Variants in EYA2 observed in about 807,000 individuals in gnomAD.
EYA2 encodes EYA transcriptional coactivator and phosphatase 2.
Under a neutral mutation model 69.2 loss-of-function variants are expected in EYA2, and 31 were observed. The ratio of observed to expected loss-of-function variants is 0.45; its 90% CI spans 0.34 to 0.60. The LOEUF (loss-of-function observed/expected upper bound fraction) is 0.60, where lower values mean the gene tolerates loss of function less well. Ranked by LOEUF, EYA2 falls within the 20% of genes least tolerant of loss-of-function variation. The probability of loss-of-function intolerance (pLI) is 0.02; values close to 1 mark genes in which losing one functional copy is unlikely to be tolerated. For synonymous variants in EYA2, 257 were observed against 279.4 expected (o/e 0.92, Z 0.80); for missense variants, 622 against 701.2 (o/e 0.89, Z 1.28).
chr20:47,143,162 G>C lies in EYA2; in HGVS notation c.978+14G>C. 1 of 1,603,862 alleles carries C rather than the reference G, an allele frequency of 6.2e-7. No individual in the cohort carries two copies. The highest frequency in any genetic ancestry group is 8.5e-7 in the Non-Finnish European group (1 of 1,174,008). ...AATGACCTGGAGGTTTGTGGTTGCT[G>C]ATTTCATTTAATATTTGCCATGTTT... On this transcript the variant is annotated intron_variant, in intron 10 of 15. Transcript: ENST00000327619.
intron 4 of EYA2, among the ~76,000 whole-genome samples, chr20:47,010,711 AATAT>A (rs1983007227): frequency 2.0e-5 from 3 of 150,120 alleles, no homozygotes; most frequent in Admixed American, 2.0e-4. Context: ...ATATAAATAT[AATAT>A]ATATAAAATA....
At position 46,895,521 on chromosome 20, in the gene EYA2, C is replaced by T. The variant is rs114470189; in HGVS notation, c.-11+534C>T. 4.7e-3 allele frequency among the ~76,000 whole-genome samples: 717 copies of T among 152,286 alleles called. 3 individuals are homozygous for T. The highest frequency in any genetic ancestry group is 0.017 in the African/African-American group (687 of 41,554). On this transcript the variant is annotated intron_variant, in intron 1 of 15. Coordinates refer to ENST00000327619, the MANE Select transcript of EYA2 (RefSeq NM_005244.5). ...ATATTTCTTTTCAAAAGTCCGTTTG[C>T]GCTCGGCCCGCTCTGGTTCAGGTCT...
At chr20:47,186,348 CTTTTTTTT>C (rs765874138) in intron 15 of EYA2, among the ~76,000 whole-genome samples, 5,828 of 72,014 alleles carry the variant, frequency 0.081, 305 homozygotes, top group African/African-American at 0.25. Flanking sequence ...AGCACTTATT[CTTTTTTTT>C]TTTTTTTTTT....
At chr20:46,985,757 A>G (rs1981141616) in intron 1 of EYA2, among the ~76,000 whole-genome samples, 1 of 152,202 alleles carries the variant, frequency 6.6e-6, no homozygotes, top group Admixed American at 6.5e-5. Context: ...TGCAAGAATA[A>G]GGCAATACTC....
rs540543065 is a variant in EYA2, at chr20:47,107,511, G to A, written c.888+10343G>A. ...ACTGTACTCCAGCCTAGACAACAGA[G>A]TGAGACTCTGTATCAAAAAAAAAAA... On this transcript the variant is annotated intron_variant, in intron 9 of 15. Transcript: ENST00000327619. 1.4e-3 allele frequency among the ~76,000 whole-genome samples: 181 copies of A among 125,782 alleles called. 1 individual carries two copies. Among genetic ancestry groups the A allele is most frequent in the African/African-American group, 5.4e-3 (177 of 32,732 alleles). The allele number at this position is 125,782 out of a possible 152,430, so 82.5% of individuals were successfully genotyped here.
intron 5 of EYA2, among the ~76,000 whole-genome samples, chr20:47,048,842 C>G (rs1159736873): frequency 6.6e-6 from 1 of 152,210 alleles, no homozygotes; most frequent in East Asian, 1.9e-4. Flanking sequence ...ATCTGTGTCC[C>G]CTGCTTCACT....
At chr20:47,180,031 T>C (rs1055322301) in intron 13 of EYA2, 119 bp downstream of exon 13, 3 of 692,200 alleles carry the variant, frequency 4.3e-6, no homozygotes, top group Non-Finnish European at 7.2e-6. Context: ...TTGTACACTT[T>C]CCAAATATTT....
At chr20:47,015,089 G>C (rs1983327920) in intron 4 of EYA2, among the ~76,000 whole-genome samples, 1 of 152,192 alleles carries the variant, frequency 6.6e-6, no homozygotes, top group South Asian at 2.1e-4. Flanking sequence ...ATATACATAA[G>C]TTTGCATATG....
chr20:47,172,982 C>A (rs1050111658), intron 12 of EYA2, 115 bp downstream of exon 12: 75 of 1,146,064 alleles, frequency 6.5e-5, no homozygotes, highest in Non-Finnish European at 8.8e-5. Flanking sequence ...CAGTACCAGC[C>A]CACTTAATGC....
chr20:47,086,030 A>G lies in EYA2; in HGVS notation c.662-3209A>G, dbSNP rs182719917. 9.8e-4 allele frequency among the ~76,000 whole-genome samples: 150 copies of G among 152,372 alleles called. 1 individual carries two copies. Among genetic ancestry groups the G allele is most frequent in the East Asian group, 5.2e-3 (27 of 5,188 alleles). Reference sequence around the variant, plus strand: ...AGTAATGCGTTAAATAAGTAAACACATTAAAAGAGAGAAAGAAAAAGAATG... The same window carrying G: ...AGTAATGCGTTAAATAAGTAAACACGTTAAAAGAGAGAAAGAAAAAGAATG... On this transcript the variant is annotated intron_variant, in intron 7 of 15. Transcript: ENST00000327619.
At chr20:47,154,818 T>TG (rs1232237650) in intron 10 of EYA2, among the ~76,000 whole-genome samples, 153 of 117,318 alleles carry the variant, frequency 1.3e-3, no homozygotes, top group African/African-American at 4.1e-3. Flanking sequence ...TTTATTTTGT[T>TG]TTGTGTGTGT....
At chr20:47,000,039 G>C (rs866088102) in intron 2 of EYA2, among the ~76,000 whole-genome samples, 2 of 151,846 alleles carry the variant, frequency 1.3e-5, no homozygotes, top group South Asian at 4.2e-4. Context: ...TCTGGAGCCA[G>C]ACCACCTGGG....
At chr20:46,939,383 C>T (rs1986058960) in intron 1 of EYA2, among the ~76,000 whole-genome samples, 1 of 152,000 alleles carries the variant, frequency 6.6e-6, no homozygotes, top group African/African-American at 2.4e-5. Flanking sequence ...AGAAAGCAAA[C>T]CTGAGTGATA....
At chr20:47,088,629 C>T (rs2031973989) in intron 7 of EYA2, among the ~76,000 whole-genome samples, 1 of 152,118 alleles carries the variant, frequency 6.6e-6, no homozygotes, top group African/African-American at 2.4e-5. Context: ...GCTCTGTTAT[C>T]CAGGTTGGAG....
chr20:47,134,051 G>A (rs2033402286), intron 9 of EYA2, among the ~76,000 whole-genome samples: 2 of 152,238 alleles, frequency 1.3e-5, no homozygotes, highest in Non-Finnish European at 2.9e-5. Context: ...GGAATGTGCA[G>A]GGTTTGAGCA....
intron 10 of EYA2, among the ~76,000 whole-genome samples, chr20:47,151,356 G>A (rs1000336638): frequency 6.6e-6 from 1 of 151,470 alleles, no homozygotes; most frequent in Non-Finnish European, 1.5e-5. Flanking sequence ...GGGCAACAGA[G>A]CGAGACTCCA....
chr20:46,990,272 C>G (rs1981568803), intron 2 of EYA2, among the ~76,000 whole-genome samples, 153 bp downstream of exon 2: 1 of 152,210 alleles, frequency 6.6e-6, no homozygotes, highest in Admixed American at 6.5e-5. Flanking sequence ...TGAACCAAAA[C>G]TTTGGCATAC....
At chr20:46,928,248 T>TAAATGGAA (rs1985500614) in intron 1 of EYA2, among the ~76,000 whole-genome samples, 1 of 152,180 alleles carries the variant, frequency 6.6e-6, no homozygotes, top group East Asian at 1.9e-4. Flanking sequence ...TGAGTTTGAA[T>TAAATGGAA]AAATGGAAAA....
chr20:47,006,180 C>T (rs1408367485), intron 4 of EYA2, among the ~76,000 whole-genome samples: 1 of 152,216 alleles, frequency 6.6e-6, no homozygotes, highest in Non-Finnish European at 1.5e-5. Flanking sequence ...CCTGCAGAGT[C>T]CCAGGAATTT....
Sources: allele counts gnomAD v4.1 joint callset (sites outside exome capture counted in the v4.1 genomes callset), GRCh38; gene constraint gnomAD v4.1.1; transcripts MANE v1.5; gene names NCBI Gene and HGNC (gene_info 2026-07-23, HGNC 2026-07-21).